DCBLD1: variants seen among roughly 807,000 people sequenced by gnomAD.
The protein encoded by DCBLD1 is discoidin, CUB and LCCL domain containing 1.
Under a neutral mutation model 71.5 loss-of-function variants are expected in DCBLD1, and 57 were observed. The observed-to-expected ratio is 0.80, with a 90% confidence interval of 0.64 to 0.99. The LOEUF is 0.99. Ranked by LOEUF, DCBLD1 falls within the 50% of genes least tolerant of loss-of-function variation. DCBLD1 has a pLI of 0.00. For missense variants in DCBLD1, 891 were observed against 923.5 expected, an observed-to-expected ratio of 0.96 and a Z score of 0.46; for synonymous variants, 380 against 363.8, an observed-to-expected ratio of 1.04 and a Z score of -0.51.
At chr6:117,484,425 T>A (rs1256646262) in intron 1 of DCBLD1, among the ~76,000 whole-genome samples, 1 of 152,216 alleles carries the variant, frequency 6.6e-6, no homozygotes, top group Non-Finnish European at 1.5e-5. Context: ...CTCAGCTCAC[T>A]GCAGCCTCAA....
At chr6:117,522,669 T>C (rs1484518030) in intron 4 of DCBLD1, among the ~76,000 whole-genome samples, 2 of 152,190 alleles carry the variant, frequency 1.3e-5, no homozygotes, top group African/African-American at 2.4e-5. Context: ...CTCTAACTTC[T>C]GGACTCAGCT....
chr6:117,537,587 C>A (rs1778935925), intron 7 of DCBLD1, among the ~76,000 whole-genome samples: 1 of 147,148 alleles, frequency 6.8e-6, no homozygotes, highest in Non-Finnish European at 1.5e-5. Context: ...TAGTTTATTC[C>A]TCCATACCCT....
intron 1 of DCBLD1, among the ~76,000 whole-genome samples, chr6:117,483,471 C>T (rs1185936819): frequency 1.3e-5 from 2 of 152,190 alleles, no homozygotes; most frequent in African/African-American, 4.8e-5. Context: ...GCTGCCACCT[C>T]CTCTCGAGTG....
At chr6:117,486,417 A>C (rs879238591) in intron 1 of DCBLD1, among the ~76,000 whole-genome samples, 1 of 152,180 alleles carries the variant, frequency 6.6e-6, no homozygotes, top group Admixed American at 6.5e-5. Context: ...AATGTTAGCT[A>C]TCTTAGTATT....
intron 2 of DCBLD1, among the ~76,000 whole-genome samples, chr6:117,516,505 T>C (rs1044703592): frequency 9.2e-5 from 14 of 152,140 alleles, no homozygotes; most frequent in African/African-American, 2.9e-4. Context: ...AGGGTAAGCA[T>C]ATAGCATTTC....
intron 1 of DCBLD1, among the ~76,000 whole-genome samples, chr6:117,491,265 T>G (rs371333601): frequency 2.0e-5 from 3 of 152,276 alleles, no homozygotes; most frequent in African/African-American, 7.2e-5. Context: ...TTGCTTCCAT[T>G]CTGAGGATTT....
chr6:117,567,088 A>C, intron 14 of DCBLD1: 4 of 1,351,132 alleles, frequency 3.0e-6, no homozygotes, highest in Non-Finnish European at 4.0e-6. Flanking sequence ...GTAATTTAAA[A>C]AGGATTTCCA....
chr6:117,500,057 T>C (rs141995802), intron 1 of DCBLD1, among the ~76,000 whole-genome samples: 81 of 152,338 alleles, frequency 5.3e-4, no homozygotes, highest in Admixed American at 9.8e-4. Context: ...GGTTTTCATG[T>C]GTACGCATCT....
At chr6:117,538,275 A>G (rs1315236236) in intron 7 of DCBLD1, among the ~76,000 whole-genome samples, 1 of 152,252 alleles carries the variant, frequency 6.6e-6, no homozygotes, top group Admixed American at 6.5e-5. Flanking sequence ...AGTGAGAAGG[A>G]ACACATCATT....
intron 1 of DCBLD1, among the ~76,000 whole-genome samples, chr6:117,492,649 T>C (rs147193494): frequency 8.5e-5 from 13 of 152,310 alleles, no homozygotes; most frequent in African/African-American, 3.1e-4. Flanking sequence ...TTTTATAGCA[T>C]TGCAATACAT....
intron 9 of DCBLD1, chr6:117,540,330 G>A: frequency 4.7e-6 from 1 of 211,000 alleles, no homozygotes; most frequent in South Asian, 9.4e-5. Flanking sequence ...GAAGGAAATG[G>A]CAAAAGTGAG....
chr6:117,566,987 A>G, intron 14 of DCBLD1: 2 of 1,609,882 alleles, frequency 1.2e-6, no homozygotes, highest in Non-Finnish European at 1.7e-6. Flanking sequence ...CATCATCAGA[A>G]TCCACTTCAG....
chr6:117,549,812 C>T (rs770262500), downstream of DCBLD1: 1 of 985,274 alleles, frequency 1.0e-6, no homozygotes, highest in East Asian at 1.1e-4. Flanking sequence ...CCCTGACTCT[C>T]ACTAGTCAGC....
chr6:117,511,132 T>C (rs1426257575), intron 2 of DCBLD1, among the ~76,000 whole-genome samples: 1 of 152,162 alleles, frequency 6.6e-6, no homozygotes, highest in Non-Finnish European at 1.5e-5. Flanking sequence ...GTGTTTGTGT[T>C]GAAAGCCATC....
At chr6:117,551,569 C>T (rs916566593), downstream of DCBLD1, among the ~76,000 whole-genome samples, 4 of 151,976 alleles carry the variant, frequency 2.6e-5, no homozygotes, top group South Asian at 2.1e-4. Flanking sequence ...TTAGTAGAGA[C>T]GGGGTTTCAC....
At chr6:117,519,133 A>C (rs1281683433) in intron 2 of DCBLD1, among the ~76,000 whole-genome samples, 1 of 152,184 alleles carries the variant, frequency 6.6e-6, no homozygotes, top group African/African-American at 2.4e-5. Context: ...AGTTTTCGTT[A>C]TTTTAAGCTC....
At chr6:117,555,384 C>T (rs759360598) in intron 14 of DCBLD1, among the ~76,000 whole-genome samples, 7 of 151,656 alleles carry the variant, frequency 4.6e-5, no homozygotes, top group Non-Finnish European at 1.0e-4. Flanking sequence ...TTGTAGTTCT[C>T]CTGTTTCAGA....
chr6:117,508,861 A>G lies in DCBLD1; in HGVS notation c.325+4882A>G, dbSNP rs74676422. On this transcript the variant is annotated intron_variant, in intron 2 of 14. Coordinates refer to ENST00000338728, the MANE Select transcript of DCBLD1 (RefSeq NM_001366458.2). ...GTCTTCATAGGCATCTCAGGGTCTC[A>G]AAGGAGGTTGTTCTGATGGAGACTT... is the stretch of plus-strand genomic sequence containing the variant. 7.6e-3 allele frequency among the ~76,000 whole-genome samples: 1,152 copies of G among 152,290 alleles called. 15 individuals carry two copies. Among genetic ancestry groups the G allele is most frequent in the African/African-American group, 0.026 (1,063 of 41,558 alleles).
chr6:117,486,193 G>A (rs1777079952), intron 1 of DCBLD1, among the ~76,000 whole-genome samples: 1 of 152,148 alleles, frequency 6.6e-6, no homozygotes, highest in South Asian at 2.1e-4. Context: ...CATTTATGAG[G>A]AATTATGTCT....
Sources: allele counts gnomAD v4.1 joint callset (sites outside exome capture counted in the v4.1 genomes callset), GRCh38; gene constraint gnomAD v4.1.1; transcripts MANE v1.5; gene names NCBI Gene and HGNC (gene_info 2026-07-23, HGNC 2026-07-21).